GABBR1: variants seen among roughly 807,000 people sequenced by gnomAD.
GABBR1 encodes the protein GABA-B receptor, R1 subunit.
In GABBR1, 35 loss-of-function variants were observed where a neutral mutation model predicts 117.7. That is an observed-to-expected ratio of 0.30 (90% confidence interval 0.23 to 0.39). GABBR1 has a LOEUF of 0.39. Ranked by LOEUF, GABBR1 falls within the 10% of genes least tolerant of loss-of-function variation. The pLI, the probability that GABBR1 is intolerant of heterozygous loss-of-function variation, is 1.00. For synonymous variants in GABBR1, 442 were observed against 486.6 expected, an observed-to-expected ratio of 0.91 and a Z score of 1.21; for missense variants, 709 against 1,241.8, an observed-to-expected ratio of 0.57 and a Z score of 6.45.
Position 29,627,657 on chromosome 6 carries a change from G to A in GABBR1, c.497-11C>T, listed in dbSNP as rs1211762071. ...ACACTGCGCGCCGTTCTGAGGAGGGGTGCGGGGGGACCCGCGAGTGAGGCC... is the reference window on the plus strand; with the variant it reads ...ACACTGCGCGCCGTTCTGAGGAGGGATGCGGGGGGACCCGCGAGTGAGGCC... On this transcript the variant is annotated splice_polypyrimidine_tract_variant and intron_variant, in intron 5 of 22. Transcript: ENST00000377034. The surrounding 1 kb of genome is among the most constrained non-coding windows in gnomAD (Gnocchi z 4.4). 6.5e-7 allele frequency: 1 copy of A among 1,543,236 alleles called. No individual in the cohort carries two copies.
chr6:29,629,321 C>T lies in GABBR1; in HGVS notation c.476-214G>A, dbSNP rs116840637. 1.4e-3 allele frequency: 941 copies of T among 689,510 alleles called. 1 individual carries two copies. Among genetic ancestry groups the T allele is most frequent in the Non-Finnish European group, 1.9e-3 (730 of 376,434 alleles). The allele number at this position is 689,510 out of a possible 1,614,324, so 42.7% of individuals were successfully genotyped here. A position where few individuals can be genotyped will look rare whatever the true frequency, so the allele number is the denominator to read the frequency against. ...TTTTCTTCTTCGATTTTTCATAGGA[C>T]AACAGAATTTGAGACGGGAATGCCA... On this transcript the variant is annotated intron_variant, in intron 4 of 22. Coordinates refer to ENST00000377034, the MANE Select transcript of GABBR1 (RefSeq NM_001470.4).
At chr6:29,629,890 A>C (rs1422015778) in intron 4 of GABBR1, 3 of 152,422 alleles carry the variant, frequency 2.0e-5, no homozygotes, top group Non-Finnish European at 4.4e-5. Flanking sequence ...GGAAGTACAG[A>C]AAAGGACCTG....
intron 11 of GABBR1, among the ~76,000 whole-genome samples, chr6:29,615,078 G>A (rs1762936442): frequency 6.6e-6 from 1 of 151,184 alleles, no homozygotes; most frequent in Non-Finnish European, 1.5e-5. Flanking sequence ...CTGAGCTCAG[G>A]AGTTAAAGAC....
Position 29,629,097 on chromosome 6 carries a change from C to A in GABBR1, c.486G>T (p.Thr162=). 1 of 1,612,836 alleles carries A rather than the reference C, an allele frequency of 6.2e-7. No individual in the cohort carries two copies. The highest frequency in any genetic ancestry group is 8.5e-7 in the Non-Finnish European group (1 of 1,180,002). ...GGTTTCTCATCTCACCTGAGTGTGG[C>A]GTTCGATTCACTGGCAGCAGGAAAG... ...TPKPHCQVNR[T]PHSERRAVYI... The change falls in exon 5 of 23, where the codon ACG becomes ACT. Residue 162 remains threonine (T), a synonymous_variant. Transcript: ENST00000377034.
At chr6:29,617,130 T>C (rs892944689) in intron 11 of GABBR1, among the ~76,000 whole-genome samples, 1 of 151,948 alleles carries the variant, frequency 6.6e-6, no homozygotes, top group Admixed American at 6.5e-5. Context: ...TAATACTATC[T>C]AAAATAGTAT....
chr6:29,609,618 T>G lies in GABBR1; in HGVS notation c.1709-239A>C, dbSNP rs1201823078. Among the ~76,000 whole-genome samples, 1 of 152,210 alleles carries G rather than the reference T, an allele frequency of 6.6e-6. No individual in the cohort carries two copies. The highest frequency in any genetic ancestry group is 1.5e-5 in the Non-Finnish European group (1 of 68,038). On this transcript the variant is annotated intron_variant, in intron 14 of 22. Coordinates refer to ENST00000377034, the MANE Select transcript of GABBR1 (RefSeq NM_001470.4). The surrounding 1 kb of genome is among the most constrained non-coding windows in gnomAD (Gnocchi z 4.3). ...AGATGAGAAGATGGAGTGAATGGTC[T>G]ATCCATAGGTTGGGAAATGCTGAGG...
chr6:29,629,680 C>T (rs191313358), intron 4 of GABBR1, among the ~76,000 whole-genome samples: 112 of 152,044 alleles, frequency 7.4e-4, no homozygotes, highest in African/African-American at 2.7e-3. Context: ...GAAAGTAAAG[C>T]CCAAGGATCT....
intron 14 of GABBR1, among the ~76,000 whole-genome samples, chr6:29,610,415 G>A (rs2091223481): frequency 1.3e-5 from 2 of 152,080 alleles, no homozygotes; most frequent in Admixed American, 6.6e-5. Flanking sequence ...ACAACTGCAC[G>A]TCTACCTCTA....
At position 29,610,991 on chromosome 6, in the gene GABBR1, G is replaced by A; in HGVS notation, c.1641C>T (p.Tyr547=). 1 of 1,612,912 alleles carries A rather than the reference G, an allele frequency of 6.2e-7. No individual in the cohort carries two copies. Among genetic ancestry groups the A allele is most frequent in the Non-Finnish European group, 8.5e-7 (1 of 1,179,896 alleles). ...TLIEQLQGGS[Y]KKIGYYDSTK... Reference sequence around the variant, plus strand: ...TGCTGTCATAGTAGCCAATCTTCTTGTAGCTGCCACCTGGGCAGACGACAA... The same window carrying A: ...TGCTGTCATAGTAGCCAATCTTCTTATAGCTGCCACCTGGGCAGACGACAA... Residue 547 remains tyrosine (Y), a synonymous_variant, in exon 14 of 23, where the codon TAC becomes TAT. Transcript: ENST00000377034.
At chr6:29,629,238 G>A in intron 4 of GABBR1, 131 bp from the exon 5 acceptor site, 1 of 1,020,408 alleles carries the variant, frequency 9.8e-7, no homozygotes, top group Non-Finnish European at 1.5e-6. Flanking sequence ...CGTTTCTGAG[G>A]GGAGGGTGCC....
rs1274646976 is a variant in GABBR1 at position 29,623,201 on chromosome 6, A to T, written c.963+104T>A. The T allele has an allele frequency of 9.7e-7, 1 of 1,032,450 alleles. No homozygotes were observed. The highest frequency in any genetic ancestry group is 1.6e-5 in the African/African-American group (1 of 62,422). 64.0% of individuals were successfully genotyped at this position (1,032,450 alleles called of 1,614,324 possible). A position where few individuals can be genotyped will look rare whatever the true frequency, so the allele number is the denominator to read the frequency against. ...TCCACATGGAATGCGTTCTCTTTCA[A>T]TGAAGAATCAAGTTCTTGCCCCTAA... is the stretch of plus-strand genomic sequence containing the variant. On this transcript the variant is annotated intron_variant, in intron 8 of 22. Transcript: ENST00000377034. This position sits in a 1 kb window ranked among gnomAD's most constrained non-coding sequence, Gnocchi z 6.2.
Position 29,606,303 on chromosome 6 carries a change from A to G in GABBR1, c.2311+88T>C. 3 of 908,960 alleles carry G rather than the reference A, an allele frequency of 3.3e-6. No individual in the cohort carries two copies. The highest frequency in any genetic ancestry group is 1.3e-5 in the South Asian group (1 of 74,776). 56.3% of individuals were successfully genotyped at this position (908,960 alleles called of 1,614,324 possible). ...TGACAAGCTCTCTACCTCCTCTTCC[A>G]AAGACCCCTCTCCCTCCAAGCCCTC... On this transcript the variant is annotated intron_variant, in intron 19 of 22. Transcript: ENST00000377034. This position sits in a 1 kb window ranked among gnomAD's most constrained non-coding sequence, Gnocchi z 4.5.
In GABBR1 at chr6:29,606,203, T is replaced by C. The variant is rs1306198336; in HGVS notation, c.2311+188A>G. 2 of 601,682 alleles carry C rather than the reference T, an allele frequency of 3.3e-6. No homozygotes were observed. Among genetic ancestry groups the C allele is most frequent in the Non-Finnish European group, 5.9e-6 (2 of 336,978 alleles). The allele number at this position is 601,682 out of a possible 1,614,324, so 37.3% of individuals were successfully genotyped here. On this transcript the variant is annotated intron_variant, in intron 19 of 22. Coordinates refer to ENST00000377034, the MANE Select transcript of GABBR1 (RefSeq NM_001470.4). The surrounding 1 kb of genome is among the most constrained non-coding windows in gnomAD (Gnocchi z 4.5). ...TGTGCTTTGGGCCCTAAGCTCCTCA[T>C]AGCAAAAGAGCAACTCTCCCCTATT...
intron 11 of GABBR1, among the ~76,000 whole-genome samples, chr6:29,618,960 A>G (rs371275416): frequency 7.2e-5 from 11 of 152,174 alleles, no homozygotes; most frequent in East Asian, 3.9e-4. Flanking sequence ...AGTCTAGGGT[A>G]GTAGTTGAAA....
At position 29,606,590 on chromosome 6, in the gene GABBR1, T is replaced by C. The variant is rs1761983375; in HGVS notation, c.2218-106A>G. 7.4e-6 allele frequency: 6 copies of C among 810,184 alleles called. No individual in the cohort carries two copies. In the East Asian group the frequency reaches 1.2e-4, roughly 16 times the overall value. The allele number at this position is 810,184 out of a possible 1,614,324, so 50.2% of individuals were successfully genotyped here. A position where few individuals can be genotyped will look rare whatever the true frequency, so the allele number is the denominator to read the frequency against. ...AACTGTTTTCCTATGAGACCCTCAA[T>C]GCTGATGCCAAATCTCATTCTAGGC... On this transcript the variant is annotated intron_variant, in intron 18 of 22. Transcript: ENST00000377034. The surrounding 1 kb of genome is among the most constrained non-coding windows in gnomAD (Gnocchi z 4.5).
Position 29,605,653 on chromosome 6 carries a change from G to A in GABBR1, c.2355C>T (p.Ile785=). Residue 785 remains isoleucine (I), a synonymous_variant, in exon 20 of 23, where the codon ATC becomes ATT. Coordinates refer to ENST00000377034, the MANE Select transcript of GABBR1 (RefSeq NM_001470.4). This position sits in a 1 kb window ranked among gnomAD's most constrained non-coding sequence, Gnocchi z 4.2. ...CACTCTTGGTCTCATAAGCAAGGAA[G>A]ATTCCCAGCAGCAGCAGCAGCCCCT... The part of the protein sequence containing the change: ...GYKGLLLLLG[I]FLAYETKSVS... The A allele has an allele frequency of 6.2e-7, 1 of 1,613,182 alleles. No homozygotes were observed. Among genetic ancestry groups the A allele is most frequent in the Non-Finnish European group, 8.5e-7 (1 of 1,180,040 alleles).
In GABBR1 at chr6:29,632,471, C is replaced by T; in HGVS notation, c.1-86G>A. 1 of 1,156,854 alleles carries T rather than the reference C, an allele frequency of 8.6e-7. No homozygotes were observed. The highest frequency in any genetic ancestry group is 1.1e-6 in the Non-Finnish European group (1 of 875,612). The allele number at this position is 1,156,854 out of a possible 1,614,324, so 71.7% of individuals were successfully genotyped here. On this transcript the variant is annotated intron_variant, in intron 1 of 22. Coordinates refer to ENST00000377034, the MANE Select transcript of GABBR1 (RefSeq NM_001470.4). This position sits in a 1 kb window ranked among gnomAD's most constrained non-coding sequence, Gnocchi z 5.8. ...GACTACTCGACCTCTTGCCGGTTGC[C>T]TCGCAGGCTCCGACCGGGCTCAGCC...
Position 29,602,658 on chromosome 6 carries a change from C to T in GABBR1, c.*885G>A, listed in dbSNP as rs1374639294. 1.1e-5 allele frequency: 3 copies of T among 263,678 alleles called. No individual in the cohort carries two copies. The highest frequency in any genetic ancestry group is 6.7e-5 in the African/African-American group (3 of 44,780). 16.3% of individuals were successfully genotyped at this position (263,678 alleles called of 1,614,324 possible). ...TACATATGGCTCTGTCAGAAGAATACCATGATTTAAGGGAAGAAAGTACAC... is the reference window on the plus strand; with the variant it reads ...TACATATGGCTCTGTCAGAAGAATATCATGATTTAAGGGAAGAAAGTACAC... On this transcript the variant is annotated 3_prime_UTR_variant, in exon 23 of 23. Coordinates refer to ENST00000377034, the MANE Select transcript of GABBR1 (RefSeq NM_001470.4).
chr6:29,613,262 G>A lies in GABBR1; in HGVS notation c.1547C>T (p.Ser516Leu), dbSNP rs1244074640. 1.2e-6 allele frequency: 2 copies of A among 1,612,808 alleles called. No individual in the cohort carries two copies. Among genetic ancestry groups the A allele is most frequent in the Admixed American group, 1.7e-5 (1 of 60,010 alleles). ...ACTCACAGAGACACCCTCAAAGGAC[G>A]AAGAGTTCATTGCCCGGTAGATTTG... ...TDQIYRAMNS[S>L]SFEGVSGHVV... The change falls in exon 12 of 23, where the codon TCG becomes TTG. Residue 516 changes from serine (S) to leucine (L), a missense_variant. Physicochemically the swap from Ser to Leu is moderately radical, Grantham distance 145. Transcript: ENST00000377034. The surrounding 1 kb of genome is among the most constrained non-coding windows in gnomAD (Gnocchi z 4.1).
Sources: allele counts gnomAD v4.1 joint callset (sites outside exome capture counted in the v4.1 genomes callset), GRCh38; gene constraint gnomAD v4.1.1; non-coding constraint Gnocchi (gnomAD v3.1); transcripts MANE v1.5; gene names NCBI Gene and HGNC (gene_info 2026-07-23, HGNC 2026-07-21).